Variants in ANGPT1 observed in about 807,000 individuals in gnomAD.
ANGPT1 encodes angiopoietin-1.
ANGPT1 carries 17 observed loss-of-function variants against 62.2 expected under a neutral mutation model. That is an observed-to-expected ratio of 0.27 (90% CI 0.19 to 0.41). The LOEUF (loss-of-function observed/expected upper bound fraction) is 0.41, where lower values mean the gene tolerates loss of function less well. Among genes scored for constraint, ANGPT1 ranks in the 10% least tolerant of loss-of-function variants. The pLI, the probability that ANGPT1 is intolerant of heterozygous loss-of-function variation, is 1.00. For missense variants in ANGPT1, 478 were observed against 594.9 expected (o/e 0.80, Z 2.04); for synonymous variants, 199 against 198.9 (o/e 1.00, Z 0.00).
rs75032691 is a variant in ANGPT1, at chr8:107,459,669, A to G, written c.297+37593T>C. Among the ~76,000 whole-genome samples, 596 of 152,322 alleles carry G rather than the reference A, an allele frequency of 3.9e-3. 1 individual carries two copies. Among genetic ancestry groups the G allele is most frequent in the Non-Finnish European group, 6.4e-3 (433 of 68,026 alleles). On this transcript the variant is annotated intron_variant, in intron 1 of 8. Coordinates refer to ENST00000517746, the MANE Select transcript of ANGPT1 (RefSeq NM_001146.5). ...CCATTTTCACTTTATATTCGCCAATATAAGCTTTAGACTTCTTCGGTACAT... is the reference window on the plus strand; with the variant it reads ...CCATTTTCACTTTATATTCGCCAATGTAAGCTTTAGACTTCTTCGGTACAT...
At chr8:107,374,529 G>A (rs1430724272) in intron 1 of ANGPT1, among the ~76,000 whole-genome samples, 1 of 152,156 alleles carries the variant, frequency 6.6e-6, no homozygotes, top group Non-Finnish European at 1.5e-5. Flanking sequence ...AATTCACTTT[G>A]AGCTCACTAA....
At chr8:107,296,379 T>C (rs982836921) in intron 5 of ANGPT1, among the ~76,000 whole-genome samples, 5 of 152,090 alleles carry the variant, frequency 3.3e-5, no homozygotes, top group Admixed American at 2.6e-4. Flanking sequence ...AGAGATAAAA[T>C]AGGAAAATTT....
intron 2 of ANGPT1, among the ~76,000 whole-genome samples, chr8:107,340,964 G>A (rs1229803482): frequency 6.6e-6 from 1 of 152,126 alleles, no homozygotes; most frequent in Non-Finnish European, 1.5e-5. Context: ...GGGAATGAGA[G>A]AGTTAGAAAA....
chr8:107,465,167 A>T (rs776524909), intron 1 of ANGPT1, among the ~76,000 whole-genome samples: 12 of 152,152 alleles, frequency 7.9e-5, no homozygotes, highest in Non-Finnish European at 1.8e-4. Flanking sequence ...GTAAGAATTC[A>T]GAATGCTCTA....
chr8:107,342,635 C>T (rs1815717588), intron 2 of ANGPT1, among the ~76,000 whole-genome samples: 1 of 152,114 alleles, frequency 6.6e-6, no homozygotes, highest in South Asian at 2.1e-4. Flanking sequence ...TGAGCCCTAT[C>T]CTAGTGGCTT....
At chr8:107,346,650 A>G (rs1021315890) in intron 2 of ANGPT1, among the ~76,000 whole-genome samples, 22 of 152,290 alleles carry the variant, frequency 1.4e-4, no homozygotes, top group African/African-American at 5.3e-4. Flanking sequence ...ACTTTGTTTG[A>G]CACATATCAT....
intron 1 of ANGPT1, among the ~76,000 whole-genome samples, chr8:107,414,782 C>A (rs1278974457): frequency 2.6e-5 from 4 of 152,098 alleles, no homozygotes; most frequent in Non-Finnish European, 5.9e-5. Flanking sequence ...GAATGTAAAT[C>A]TTTAAATTAT....
At chr8:107,457,100 T>C (rs1021221386) in intron 1 of ANGPT1, among the ~76,000 whole-genome samples, 5 of 152,210 alleles carry the variant, frequency 3.3e-5, no homozygotes, top group Middle Eastern at 3.4e-3. Flanking sequence ...ATATCATAAC[T>C]CTACTAGTAT....
chr8:107,274,670 C>G (rs1027988042), intron 7 of ANGPT1, among the ~76,000 whole-genome samples: 1 of 152,004 alleles, frequency 6.6e-6, no homozygotes, highest in Non-Finnish European at 1.5e-5. Context: ...ATACCATAAA[C>G]CTTTGGAGGC....
rs79985814 is a variant in ANGPT1, at chr8:107,431,180, G to A, written c.297+66082C>T. Among the ~76,000 whole-genome samples the A allele has an allele frequency of 7.3e-3, 1,108 of 152,290 alleles. 17 individuals carry two copies. Among genetic ancestry groups the A allele is most frequent in the African/African-American group, 0.026 (1,065 of 41,564 alleles). On this transcript the variant is annotated intron_variant, in intron 1 of 8. Coordinates refer to ENST00000517746, the MANE Select transcript of ANGPT1 (RefSeq NM_001146.5). ...TGTGTGAGAGAGAGACAGTGTGTGT[G>A]TGTTTAGCACATTACATTGTATATA... is the stretch of plus-strand genomic sequence containing the variant.
intron 1 of ANGPT1, among the ~76,000 whole-genome samples, chr8:107,372,127 A>T (rs1041188951): frequency 3.3e-5 from 5 of 152,242 alleles, no homozygotes; most frequent in Admixed American, 2.6e-4. Flanking sequence ...ATTGACACTT[A>T]GGGCAAGGTG....
chr8:107,323,673 G>A (rs934714073), intron 3 of ANGPT1, among the ~76,000 whole-genome samples: 2 of 152,114 alleles, frequency 1.3e-5, no homozygotes, highest in African/African-American at 4.8e-5. Context: ...CATGGTAGAT[G>A]GTGATGATGA....
In ANGPT1 at chr8:107,386,064, TA is replaced by T. The variant is rs943604263; in HGVS notation, c.298-38968del. Among the ~76,000 whole-genome samples the T allele has an allele frequency of 7.3e-5, 11 of 151,400 alleles. No homozygotes were observed. The East Asian group carries it at 1.7e-3, about 24-fold the overall frequency. On this transcript the variant is annotated intron_variant, in intron 1 of 8. Coordinates refer to ENST00000517746, the MANE Select transcript of ANGPT1 (RefSeq NM_001146.5). ...ACACCATAGAATACTACACAGATAT[TA>T]AAAAAAAATCAGATCCTGGCCTCTG...
intron 1 of ANGPT1, 114 bp downstream of exon 1, chr8:107,497,148 C>T (rs1034488200): frequency 5.6e-6 from 7 of 1,240,250 alleles, no homozygotes; most frequent in Admixed American, 2.4e-5. Context: ...GCAAACACTG[C>T]CCCCCTGGAG....
chr8:107,360,691 T>C (rs927275130), intron 1 of ANGPT1, among the ~76,000 whole-genome samples: 4 of 152,168 alleles, frequency 2.6e-5, no homozygotes, highest in African/African-American at 7.2e-5. Context: ...CAGATCCTAA[T>C]GGCATTTGAG....
intron 1 of ANGPT1, among the ~76,000 whole-genome samples, chr8:107,397,300 C>T (rs1036403169): frequency 3.9e-5 from 6 of 152,128 alleles, no homozygotes; most frequent in African/African-American, 1.4e-4. Context: ...ACCTGAAAGC[C>T]CTAGGGCAAG....
intron 1 of ANGPT1, among the ~76,000 whole-genome samples, chr8:107,398,773 G>A (rs989130265): frequency 6.6e-6 from 1 of 152,012 alleles, no homozygotes; most frequent in African/African-American, 2.4e-5. Flanking sequence ...AGGGTGGAAT[G>A]GTAAAACAAG....
intron 1 of ANGPT1, among the ~76,000 whole-genome samples, chr8:107,432,589 G>A (rs1554593711): frequency 6.6e-6 from 1 of 151,526 alleles, no homozygotes; most frequent in Non-Finnish European, 1.5e-5. Context: ...GCGTGAACCC[G>A]GGAGGCAGAG....
chr8:107,290,930 A>G (rs1032398285), intron 6 of ANGPT1, among the ~76,000 whole-genome samples: 1 of 152,226 alleles, frequency 6.6e-6, no homozygotes, highest in Non-Finnish European at 1.5e-5. Flanking sequence ...CTCTTACTTA[A>G]CATGCCTAGC....
Sources: allele counts gnomAD v4.1 joint callset (sites outside exome capture counted in the v4.1 genomes callset), GRCh38; gene constraint gnomAD v4.1.1; transcripts MANE v1.5; gene names NCBI Gene and HGNC (gene_info 2026-07-23, HGNC 2026-07-21).